Variants in CFAP161 observed in about 807,000 individuals in gnomAD.
The protein encoded by CFAP161 is cilia- and flagella-associated protein 161.
CFAP161 carries 25 observed loss-of-function variants against 29.0 expected under a neutral mutation model. The observed-to-expected ratio is 0.86, with a 90% CI of 0.63 to 1.20. The LOEUF (loss-of-function observed/expected upper bound fraction) is 1.20. CFAP161 is among the 50% of genes most tolerant of loss of function. The pLI is 0.00. For missense variants in CFAP161, 367 were observed against 371.9 expected, an observed-to-expected ratio of 0.99 and a Z score of 0.11; for synonymous variants, 116 against 137.4, an observed-to-expected ratio of 0.84 and a Z score of 1.09.
In CFAP161 at chr15:81,138,259, A is replaced by G. The variant is rs1262421959; in HGVS notation, c.477+124A>G. Reference sequence around the variant, plus strand: ...CATGGGCTCCACCTCTGACTTCACTATGGTGTCAGCTTGCAGCTTTTCACA... The same window carrying G: ...CATGGGCTCCACCTCTGACTTCACTGTGGTGTCAGCTTGCAGCTTTTCACA... On this transcript the variant is annotated intron_variant, in intron 4 of 6. Coordinates refer to ENST00000286732, the MANE Select transcript of CFAP161 (RefSeq NM_173528.4). The G allele has an allele frequency of 2.7e-5, 20 of 746,868 alleles. No homozygotes were observed. The Admixed American group carries it at 5.1e-4, about 19-fold the overall frequency. 46.3% of individuals were successfully genotyped at this position (746,868 alleles called of 1,614,324 possible).
chr15:81,112,718 A>T (rs1894453305), intron 1 of CFAP161, among the ~76,000 whole-genome samples: 1 of 152,196 alleles, frequency 6.6e-6, no homozygotes, highest in Non-Finnish European at 1.5e-5. Flanking sequence ...AACCGGCTAA[A>T]TAACTAGAGG....
intron 5 of CFAP161, 126 bp from the exon 6 acceptor site, chr15:81,147,732 T>G (rs1262373919): frequency 1.8e-6 from 1 of 550,874 alleles, no homozygotes; most frequent in Non-Finnish European, 3.1e-6. Flanking sequence ...ATATATAATT[T>G]TTTTCTACTA....
intron 4 of CFAP161, among the ~76,000 whole-genome samples, chr15:81,140,769 T>C (rs1301187818): frequency 6.6e-6 from 1 of 152,064 alleles, no homozygotes; most frequent in African/African-American, 2.4e-5. Context: ...TTTATTTTTG[T>C]AGAGACGGAG....
chr15:81,134,164 A>T, upstream of CFAP161: 2 of 704,244 alleles, frequency 2.8e-6, no homozygotes, highest in Non-Finnish European at 4.6e-6. Flanking sequence ...ACAGCCGCTG[A>T]CCCAGACGCC....
chr15:81,118,530 G>C (rs2663939), intron 1 of CFAP161, among the ~76,000 whole-genome samples: 1 of 152,080 alleles, frequency 6.6e-6, no homozygotes, highest in African/African-American at 2.4e-5. Flanking sequence ...CCACTCACCC[G>C]CTGGGGCGTC....
intron 1 of CFAP161, among the ~76,000 whole-genome samples, chr15:81,108,872 G>A (rs2141862113): frequency 6.6e-6 from 1 of 152,230 alleles, no homozygotes; most frequent in South Asian, 2.1e-4. Flanking sequence ...TGTCAATGCT[G>A]TCTTTTTTAC....
intron 6 of CFAP161, 143 bp downstream of exon 6, chr15:81,148,074 T>C: frequency 6.8e-6 from 5 of 739,118 alleles, no homozygotes; most frequent in Non-Finnish European, 1.1e-5. Flanking sequence ...AGAACTTCAA[T>C]GGTGTGAAAA....
chr15:81,134,135 G>A, upstream of CFAP161: 1 of 580,410 alleles, frequency 1.7e-6, no homozygotes, highest in Non-Finnish European at 3.0e-6. Context: ...TGGAAGTGGG[G>A]CGGGCTGGAG....
chr15:81,137,575 GA>G (rs763074928), intron 3 of CFAP161, among the ~76,000 whole-genome samples: 1 of 151,728 alleles, frequency 6.6e-6, no homozygotes, highest in Non-Finnish European at 1.5e-5. Flanking sequence ...CAGCCTGGGG[GA>G]AAAAAAAGAA....
intron 5 of CFAP161, among the ~76,000 whole-genome samples, chr15:81,145,521 T>C (rs1315563800): frequency 1.3e-5 from 2 of 152,144 alleles, no homozygotes; most frequent in Admixed American, 1.3e-4. Context: ...TGTTATATTG[T>C]TATTGTTGCT....
chr15:81,102,834 G>A (rs1259247382), intron 1 of CFAP161, among the ~76,000 whole-genome samples: 1 of 152,216 alleles, frequency 6.6e-6, no homozygotes, highest in Non-Finnish European at 1.5e-5. Context: ...GACAAGAAAT[G>A]TAGTTGATGT....
chr15:81,130,043 T>G (rs930589448), upstream of CFAP161, among the ~76,000 whole-genome samples: 4 of 152,070 alleles, frequency 2.6e-5, no homozygotes, highest in African/African-American at 9.7e-5. Flanking sequence ...TGGTGCAGCC[T>G]TTACATCAGA....
chr15:81,111,301 T>C (rs550885078), intron 1 of CFAP161, among the ~76,000 whole-genome samples: 1 of 152,362 alleles, frequency 6.6e-6, no homozygotes, highest in East Asian at 1.9e-4. Context: ...ACAGTGAATT[T>C]TGGTTGAATG....
intron 1 of CFAP161, among the ~76,000 whole-genome samples, chr15:81,126,838 C>G (rs561367191): frequency 1.3e-5 from 2 of 152,176 alleles, no homozygotes; most frequent in African/African-American, 4.8e-5. Context: ...TTCTTAAAGA[C>G]TTTTAAAAAT....
In CFAP161 at chr15:81,136,685, C is replaced by G. The variant is rs201116091; in HGVS notation, c.329C>G (p.Pro110Arg). ...CATCTGAAAGACGAATTAGAGGTACCCTGTGGCCTGAGCGCAGTTCAAGCC... is the reference window on the plus strand; with the variant it reads ...CATCTGAAAGACGAATTAGAGGTACGCTGTGGCCTGAGCGCAGTTCAAGCC... The part of the protein sequence containing the change: ...QSHLKDELEV[P>R]CGLSAVQAKT... The change falls in exon 3 of 7, where the codon CCC becomes CGC. Residue 110 changes from proline (P) to arginine (R), a missense_variant. Pro to Arg is a moderately radical substitution (Grantham distance 103). Coordinates refer to ENST00000286732, the MANE Select transcript of CFAP161 (RefSeq NM_173528.4). The G allele has an allele frequency of 1.2e-6, 2 of 1,613,988 alleles. No homozygotes were observed. Among genetic ancestry groups the G allele is most frequent in the South Asian group, 2.2e-5 (2 of 91,074 alleles).
intron 1 of CFAP161, among the ~76,000 whole-genome samples, chr15:81,126,762 T>C (rs1436292353): frequency 6.6e-6 from 1 of 152,218 alleles, no homozygotes; most frequent in Middle Eastern, 3.2e-3. Flanking sequence ...TTTATGTTTC[T>C]AAAAGATATC....
In CFAP161 at chr15:81,136,541, G is replaced by C; in HGVS notation, c.185G>C (p.Gly62Ala). ...RPMQLSVTEDGYIHYGDKVML... is the reference protein window; with the variant it reads ...RPMQLSVTEDAYIHYGDKVML... ...ATGCAACTTTCCGTAACTGAAGATG[G>C]CTATATTCATTACGGTGACAAAGTG... Residue 62 changes from glycine (G) to alanine (A), a missense_variant, in exon 3 of 7, where the codon GGC becomes GCC. Physicochemically the swap from Gly to Ala is moderately conservative, Grantham distance 60. Transcript: ENST00000286732. 3 of 1,614,150 alleles carry C rather than the reference G, an allele frequency of 1.9e-6. No homozygotes were observed. Among genetic ancestry groups the C allele is most frequent in the Non-Finnish European group, 2.5e-6 (3 of 1,180,014 alleles).
chr15:81,136,774 A>G (rs1194681865), intron 3 of CFAP161, 26 bp downstream of exon 3: 1 of 1,563,322 alleles, frequency 6.4e-7, no homozygotes, highest in South Asian at 1.1e-5. Context: ...TTTTCAGTTC[A>G]TTTTCATCAT....
At chr15:81,114,077 T>C (rs1220697847) in intron 1 of CFAP161, among the ~76,000 whole-genome samples, 2 of 152,082 alleles carry the variant, frequency 1.3e-5, no homozygotes, top group Non-Finnish European at 2.9e-5. Flanking sequence ...ACAAATATAC[T>C]AGCAAACAAG....
Sources: allele counts gnomAD v4.1 joint callset (sites outside exome capture counted in the v4.1 genomes callset), GRCh38; gene constraint gnomAD v4.1.1; transcripts MANE v1.5; gene names NCBI Gene and HGNC (gene_info 2026-07-23, HGNC 2026-07-21).